The following COA1 variants were observed in gnomAD, a reference collection of about 807,000 sequenced individuals.
COA1 encodes cytochrome c oxidase assembly factor 1 homolog.
COA1 carries 13 observed loss-of-function variants against 16.0 expected under a neutral mutation model. The observed-to-expected ratio is 0.81, with a 90% confidence interval of 0.53 to 1.29. The LOEUF is 1.29. Among genes scored for constraint, COA1 ranks in the 50% most tolerant of loss-of-function variants. COA1 has a pLI of 0.00. For synonymous variants in COA1, 65 were observed against 65.7 expected (o/e 0.99, Z 0.05); for missense variants, 179 against 177.0 (o/e 1.01, Z -0.06).
rs372092199 is a variant in COA1, at chr7:43,679,140, G to A, written c.-38-30488C>T. 4.6e-5 allele frequency among the ~76,000 whole-genome samples: 7 copies of A among 151,992 alleles called. No individual in the cohort carries two copies. The East Asian group carries it at 7.8e-4, about 17-fold the overall frequency. ...AAATTAGCTGGGCATGGTGGCGTGCGCCTGTAGTCCCAGCTACTGGGGAGG... is the reference window on the plus strand; with the variant it reads ...AAATTAGCTGGGCATGGTGGCGTGCACCTGTAGTCCCAGCTACTGGGGAGG... On this transcript the variant is annotated intron_variant, in intron 1 of 5. Coordinates refer to ENST00000223336, the MANE Select transcript of COA1 (RefSeq NM_018224.4).
rs565133132 is a variant in COA1 at position 43,644,297 on chromosome 7, C to A, written c.264+954G>T. 1.1e-4 allele frequency among the ~76,000 whole-genome samples: 17 copies of A among 152,292 alleles called. No homozygotes were observed. The East Asian group carries it at 1.4e-3, about 12-fold the overall frequency. Reference sequence around the variant, plus strand: ...AAGCCTTCTGCACCTCTATTCCCCACATAGCTTAGAATCATTTCTCAAACC... The same window carrying A: ...AAGCCTTCTGCACCTCTATTCCCCAAATAGCTTAGAATCATTTCTCAAACC... On this transcript the variant is annotated intron_variant, in intron 4 of 5. Transcript: ENST00000223336.
At chr7:43,636,597 G>A (rs1317839139), downstream of COA1, among the ~76,000 whole-genome samples, 1 of 152,160 alleles carries the variant, frequency 6.6e-6, no homozygotes, top group East Asian at 1.9e-4. Context: ...AGGACAGAAG[G>A]AACTATTGTT....
intron 1 of COA1, among the ~76,000 whole-genome samples, chr7:43,704,545 T>C (rs369773463): frequency 3.3e-5 from 5 of 152,366 alleles, no homozygotes; most frequent in African/African-American, 1.2e-4. Flanking sequence ...TCTACCTGCA[T>C]TGATTCAAAG....
chr7:43,720,402 G>C (rs2095482764), intron 1 of COA1, among the ~76,000 whole-genome samples: 1 of 152,114 alleles, frequency 6.6e-6, no homozygotes, highest in Non-Finnish European at 1.5e-5. Flanking sequence ...TGATGGACTA[G>C]AAAGGATAAA....
intron 1 of COA1, among the ~76,000 whole-genome samples, chr7:43,687,933 G>GT (rs2094115219): frequency 6.6e-6 from 1 of 152,190 alleles, no homozygotes; most frequent in South Asian, 2.1e-4. Flanking sequence ...CCAGAGGGAG[G>GT]TAACTGAATC....
intron 1 of COA1, among the ~76,000 whole-genome samples, chr7:43,686,305 CTTT>C (rs770784003): frequency 1.6e-5 from 2 of 126,104 alleles, no homozygotes; most frequent in African/African-American, 3.0e-5. Context: ...GGCTTTGTTT[CTTT>C]TTTTTTTTTT....
chr7:43,714,604 G>A (rs1009318580), intron 1 of COA1, among the ~76,000 whole-genome samples: 2 of 151,496 alleles, frequency 1.3e-5, no homozygotes, highest in African/African-American at 2.4e-5. Context: ...ACTCCAGCCT[G>A]GGCTACAAGA....
intron 1 of COA1, among the ~76,000 whole-genome samples, chr7:43,666,485 C>CTATA (rs2092898548): frequency 6.6e-6 from 1 of 152,098 alleles, no homozygotes; most frequent in Admixed American, 6.5e-5. Flanking sequence ...GTTTGTGTTG[C>CTATA]TATATATGTG....
chr7:43,609,803 A>G (rs903733063), intron 6 of COA1, among the ~76,000 whole-genome samples: 1 of 152,132 alleles, frequency 6.6e-6, no homozygotes, highest in Admixed American at 6.5e-5. Flanking sequence ...CCCCCAAAAA[A>G]CTTTCCCATC....
intron 6 of COA1, chr7:43,623,459 C>G: frequency 1.2e-6 from 1 of 806,076 alleles, no homozygotes; most frequent in Non-Finnish European, 2.0e-6. Context: ...TTCATTTTAG[C>G]CCAAACGTTG....
intron 1 of COA1, among the ~76,000 whole-genome samples, chr7:43,719,706 A>C (rs2095468222): frequency 6.6e-6 from 1 of 152,208 alleles, no homozygotes; most frequent in Middle Eastern, 3.2e-3. Context: ...ACTACTATGA[A>C]AATGTCCCCT....
intron 6 of COA1, among the ~76,000 whole-genome samples, chr7:43,610,516 A>T (rs962237757): frequency 6.6e-6 from 1 of 151,452 alleles, no homozygotes; most frequent in Admixed American, 6.6e-5. Context: ...AAATACAAAA[A>T]ATTAGCCAAG....
chr7:43,665,323 C>T (rs2092809447), intron 1 of COA1, among the ~76,000 whole-genome samples: 1 of 152,056 alleles, frequency 6.6e-6, no homozygotes, highest in Non-Finnish European at 1.5e-5. Flanking sequence ...CAGTATAGAG[C>T]GTCAAAATTA....
intron 6 of COA1, among the ~76,000 whole-genome samples, chr7:43,610,189 A>G (rs1243021715): frequency 6.6e-6 from 1 of 151,980 alleles, no homozygotes; most frequent in Non-Finnish European, 1.5e-5. Context: ...TAGTAAAAAT[A>G]CAAAAAAATT....
chr7:43,667,432 T>A (rs1012815432), intron 1 of COA1, among the ~76,000 whole-genome samples: 4 of 152,230 alleles, frequency 2.6e-5, no homozygotes, highest in African/African-American at 9.6e-5. Context: ...CCAAATTGAA[T>A]GGGATTTCTA....
chr7:43,657,586 G>A (rs1197805608), intron 1 of COA1, among the ~76,000 whole-genome samples: 1 of 151,994 alleles, frequency 6.6e-6, no homozygotes, highest in African/African-American at 2.4e-5. Flanking sequence ...ACAAAAAAGA[G>A]AACAAAACAG....
chr7:43,622,095 T>C (rs1436897969), intron 6 of COA1, among the ~76,000 whole-genome samples: 1 of 152,228 alleles, frequency 6.6e-6, no homozygotes, highest in African/African-American at 2.4e-5. Context: ...AAACCAGTAT[T>C]CAGCACATAA....
chr7:43,641,625 A>T (rs1468914818), intron 4 of COA1: 1 of 152,174 alleles, frequency 6.6e-6, no homozygotes, highest in Non-Finnish European at 1.5e-5. Flanking sequence ...CCTAAAGAAC[A>T]GGCTTTAAAG....
intron 1 of COA1, among the ~76,000 whole-genome samples, chr7:43,708,853 A>G (rs1585296545): frequency 6.6e-6 from 1 of 151,186 alleles, no homozygotes; most frequent in Admixed American, 6.6e-5. Context: ...ATCTTTTCCT[A>G]CTCTTTGGCT....
Sources: allele counts gnomAD v4.1 joint callset (sites outside exome capture counted in the v4.1 genomes callset), GRCh38; gene constraint gnomAD v4.1.1; transcripts MANE v1.5; gene names NCBI Gene and HGNC (gene_info 2026-07-23, HGNC 2026-07-21).